Variants in ARID2 observed in about 807,000 individuals in gnomAD.
The protein encoded by ARID2 is AT-rich interaction domain 2.
In ARID2, 32 loss-of-function variants were observed where a neutral mutation model predicts 184.6. The ratio of observed to expected loss-of-function variants is 0.17; its 90% CI spans 0.13 to 0.23. The LOEUF is 0.23. Ranked by LOEUF, ARID2 falls within the 10% of genes least tolerant of loss-of-function variation. The probability of loss-of-function intolerance (pLI) is 1.00; values close to 1 mark genes in which losing one functional copy is unlikely to be tolerated. For synonymous variants in ARID2, 836 were observed against 772.6 expected, an observed-to-expected ratio of 1.08 and a Z score of -1.36; for missense variants, 1,696 against 2,197.6, an observed-to-expected ratio of 0.77 and a Z score of 4.56.
At chr12:45,789,924 C>G (rs975902900) in intron 3 of ARID2, among the ~76,000 whole-genome samples, 4 of 152,112 alleles carry the variant, frequency 2.6e-5, no homozygotes, top group Non-Finnish European at 2.9e-5. Context: ...GGAGAACAGT[C>G]TGGGCAACAC....
chr12:45,852,685 A>G lies in ARID2; in HGVS notation c.4562A>G (p.Asp1521Gly). 1 of 1,614,176 alleles carries G rather than the reference A, an allele frequency of 6.2e-7. No individual in the cohort carries two copies. Among genetic ancestry groups the G allele is most frequent in the Non-Finnish European group, 8.5e-7 (1 of 1,180,010 alleles). The change falls in exon 15 of 21, where the codon GAT becomes GGT. Residue 1521 changes from aspartate (D) to glycine (G), a missense_variant. Physicochemically the swap from Asp to Gly is moderately conservative, Grantham distance 94. Transcript: ENST00000334344. ...ECKTVKRPAE[D>G]TDRETVAGIP... is the part of the protein sequence containing the mutation. The stretch of plus-strand genomic sequence containing the variant: ...AAAACTGTAAAGAGGCCAGCAGAGG[A>G]TACTGATAGGGAAACAGTCGCAGGA...
At chr12:45,843,827 A>C (rs1249519152) in intron 11 of ARID2, among the ~76,000 whole-genome samples, 1 of 152,170 alleles carries the variant, frequency 6.6e-6, no homozygotes, top group Non-Finnish European at 1.5e-5. Flanking sequence ...CCTAGTAAAG[A>C]TAGTTTTTAT....
intron 6 of ARID2, among the ~76,000 whole-genome samples, chr12:45,830,152 C>T (rs1256542126): frequency 6.6e-6 from 1 of 151,116 alleles, no homozygotes; most frequent in Non-Finnish European, 1.5e-5. Flanking sequence ...ATATCTAAAG[C>T]TGTTGTGACT....
intron 3 of ARID2, among the ~76,000 whole-genome samples, chr12:45,800,196 A>G (rs1790649363): frequency 6.6e-6 from 1 of 152,202 alleles, no homozygotes; most frequent in Non-Finnish European, 1.5e-5. Flanking sequence ...GTTAACAAAA[A>G]ATATAAGTAA....
rs1045356714 is a variant in ARID2, at chr12:45,821,367, G to A, written c.638-53G>A. ...CAAGCCTATTATTAAATAATTAATT[G>A]AAAGAATTTATTGCATTTTATTGAA... On this transcript the variant is annotated intron_variant, in intron 5 of 20. Coordinates refer to ENST00000334344, the MANE Select transcript of ARID2 (RefSeq NM_152641.4). 1.3e-5 allele frequency: 14 copies of A among 1,116,400 alleles called. No individual in the cohort carries two copies. The Admixed American group carries it at 2.0e-4, about 16-fold the overall frequency. The allele number at this position is 1,116,400 out of a possible 1,614,324, so 69.2% of individuals were successfully genotyped here.
chr12:45,875,925 T>G (rs2138210543), intron 16 of ARID2, among the ~76,000 whole-genome samples: 1 of 152,368 alleles, frequency 6.6e-6, no homozygotes, highest in South Asian at 2.1e-4. Context: ...GCAAGGCTCT[T>G]TCACTTTCCT....
At chr12:45,776,084 G>A (rs1244588225) in intron 3 of ARID2, 1 of 168,780 alleles carries the variant, frequency 5.9e-6, no homozygotes, top group Non-Finnish European at 1.5e-5. Flanking sequence ...ATTTCAGGCA[G>A]TATACTTCAT....
At chr12:45,793,688 T>TAC (rs1942335238) in intron 3 of ARID2, among the ~76,000 whole-genome samples, 1 of 151,642 alleles carries the variant, frequency 6.6e-6, no homozygotes, top group Admixed American at 6.6e-5. Context: ...CATATTTATA[T>TAC]ATACACACAC....
intron 3 of ARID2, among the ~76,000 whole-genome samples, chr12:45,796,542 A>G (rs1393227465): frequency 1.3e-5 from 2 of 150,766 alleles, no homozygotes; most frequent in African/African-American, 5.0e-5. Flanking sequence ...GAGATGAAGT[A>G]TTGCTCTGTC....
intron 4 of ARID2, among the ~76,000 whole-genome samples, chr12:45,814,502 T>A (rs1942770019): frequency 6.6e-6 from 1 of 151,994 alleles, no homozygotes; most frequent in Non-Finnish European, 1.5e-5. Context: ...ATACAAAAAT[T>A]GGCCAGGTGT....
At chr12:45,887,568 C>T (rs1424910023) in intron 16 of ARID2, among the ~76,000 whole-genome samples, 2 of 152,108 alleles carry the variant, frequency 1.3e-5, no homozygotes, top group African/African-American at 4.8e-5. Context: ...TTCACACAAC[C>T]AGGAAAGATT....
At chr12:45,729,993 GC>G (rs1371357392) in intron 1 of ARID2, 50 bp from the exon 2 acceptor site, 3 of 1,607,068 alleles carry the variant, frequency 1.9e-6, no homozygotes, top group Non-Finnish European at 2.5e-6. Flanking sequence ...TCCCGCCCGG[GC>G]CGGGCACGGG....
chr12:45,769,967 A>C (rs1025691635), intron 3 of ARID2, among the ~76,000 whole-genome samples: 6 of 152,174 alleles, frequency 3.9e-5, no homozygotes, highest in African/African-American at 1.4e-4. Context: ...TGAAAAATAA[A>C]GGCAAGGCCG....
chr12:45,734,006 G>T (rs1296272750), intron 3 of ARID2, among the ~76,000 whole-genome samples: 2 of 152,134 alleles, frequency 1.3e-5, no homozygotes, highest in Admixed American at 6.5e-5. Context: ...TACACGTACT[G>T]TGTACCCACA....
In ARID2 at chr12:45,797,591, A is replaced by G. The variant is rs114793032; in HGVS notation, c.285-13827A>G. On this transcript the variant is annotated intron_variant, in intron 3 of 20. Transcript: ENST00000334344. ...TCTTTCTTGGAGATAATGATTTCTC[A>G]TGCTAAGAAGAGCCTTCCTTGCTCT... Among the ~76,000 whole-genome samples, 415 of 152,286 alleles carry G rather than the reference A, an allele frequency of 2.7e-3. 3 individuals carry two copies. The highest frequency in any genetic ancestry group is 9.4e-3 in the African/African-American group (391 of 41,564).
chr12:45,905,940 C>CTTTTTTTTTTTTTTT lies in ARID2; in HGVS notation c.*873_*874insTTTTTTTTTTTTTTT, dbSNP rs1362533296. The CTTTTTTTTTTTTTTT allele has an allele frequency of 1.2e-5, 2 of 166,984 alleles. No individual in the cohort carries two copies. Among genetic ancestry groups the CTTTTTTTTTTTTTTT allele is most frequent in the African/African-American group, 5.6e-5 (2 of 35,846 alleles). The allele number at this position is 166,984 out of a possible 1,614,324, so 10.3% of individuals were successfully genotyped here. ...GAACTGTGATTTTTTTTTCTTTTTT[C>CTTTTTTTTTTTTTTT]TTTTTTTTTTTCTTTTTTTTTTTGT... On this transcript the variant is annotated 3_prime_UTR_variant, in exon 21 of 21. Transcript: ENST00000334344.
Position 45,851,536 on chromosome 12 carries a change from G to T in ARID2, c.3413G>T (p.Gly1138Val), listed in dbSNP as rs1464578816. 6.2e-7 allele frequency: 1 copy of T among 1,614,142 alleles called. No homozygotes were observed. Among genetic ancestry groups the T allele is most frequent in the Admixed American group, 1.7e-5 (1 of 60,020 alleles). The change falls in exon 15 of 21, where the codon GGG becomes GTG. Residue 1138 changes from glycine (G) to valine (V), a missense_variant. Transcript: ENST00000334344. ...GTCCCAAGTGCAATGCCACCCTCAG[G>T]GGGAGTACAAACTGTGCCCATTTCG... ...QLVPSAMPPS[G>V]GVQTVPISNL... is the part of the protein sequence containing the mutation.
intron 16 of ARID2, among the ~76,000 whole-genome samples, chr12:45,867,185 C>G (rs2138199767): frequency 6.6e-6 from 1 of 151,944 alleles, no homozygotes; most frequent in Middle Eastern, 3.4e-3. Context: ...TCCTGACCTC[C>G]TGATCCACCC....
chr12:45,730,486 C>T (rs1220918054), intron 2 of ARID2, among the ~76,000 whole-genome samples: 1 of 151,362 alleles, frequency 6.6e-6, no homozygotes, highest in East Asian at 1.9e-4. Flanking sequence ...GCGCCGCCCG[C>T]CCGCTCGCTC....
Sources: gnomAD v4.1 joint callset for allele counts (sites outside exome capture counted in the v4.1 genomes callset) on GRCh38, gnomAD v4.1.1 for gene constraint, MANE v1.5 for transcripts, NCBI Gene and HGNC (gene_info 2026-07-23, HGNC 2026-07-21) for gene names.